Variants in ATP9B observed in about 807,000 individuals in gnomAD.
ATP9B encodes ATPase phospholipid transporting 9B, also known as probable phospholipid-transporting ATPase IIB.
A neutral mutation model predicts 146.1 loss-of-function variants in ATP9B; 110 were observed. The observed-to-expected ratio is 0.75, with a 90% CI of 0.65 to 0.88. The LOEUF (loss-of-function observed/expected upper bound fraction) is 0.88. ATP9B is among the 40% of genes least tolerant of loss of function. The pLI is 0.00. For missense variants in ATP9B, 1,499 were observed against 1,496.4 expected, an observed-to-expected ratio of 1.00 and a Z score of -0.03; for synonymous variants, 604 against 569.7, an observed-to-expected ratio of 1.06 and a Z score of -0.86.
chr18:79,355,769 T>A (rs1277334442), intron 25 of ATP9B, among the ~76,000 whole-genome samples: 1 of 152,036 alleles, frequency 6.6e-6, no homozygotes, highest in Non-Finnish European at 1.5e-5. Flanking sequence ...ATGTATAGAT[T>A]CAAGAAGGTA....
intron 7 of ATP9B, among the ~76,000 whole-genome samples, chr18:79,167,714 G>C (rs7230829): frequency 0.066 from 10,037 of 152,248 alleles, 405 homozygotes; most frequent in Non-Finnish European, 0.095. Context: ...AGCACTATCC[G>C]ATTGGCTGTA....
intron 8 of ATP9B, among the ~76,000 whole-genome samples, chr18:79,189,499 C>T (rs2095342291): frequency 6.6e-6 from 1 of 152,166 alleles, no homozygotes; most frequent in East Asian, 1.9e-4. Context: ...CCAAATTTAA[C>T]TGTTAATAGC....
At chr18:79,069,701 G>T (rs2071485409) in intron 1 of ATP9B, among the ~76,000 whole-genome samples, 172 bp downstream of exon 1, 1 of 152,230 alleles carries the variant, frequency 6.6e-6, no homozygotes, top group Admixed American at 6.5e-5. Flanking sequence ...GGCGTCCGCC[G>T]GTGGTGAGGG....
Position 79,344,631 on chromosome 18 carries a change from G to A in ATP9B, c.2472+277G>A, listed in dbSNP as rs377220952. ...CCATTTCGTAGCAGCGGTATCTGCC[G>A]CTCTGGAAAGCAGCCCCAGCCTGAG... On this transcript the variant is annotated intron_variant, in intron 21 of 29. Transcript: ENST00000426216. Among the ~76,000 whole-genome samples, 33 of 152,310 alleles carry A rather than the reference G, an allele frequency of 2.2e-4. No individual in the cohort carries two copies. In the East Asian group the frequency reaches 2.7e-3, roughly 12 times the overall value.
chr18:79,140,123 G>A (rs2094496024), intron 5 of ATP9B, among the ~76,000 whole-genome samples: 1 of 152,066 alleles, frequency 6.6e-6, no homozygotes, highest in Non-Finnish European at 1.5e-5. Context: ...GTCTGGGAAG[G>A]GAGGGATTTC....
At chr18:79,202,404 G>C (rs1422294781) in intron 9 of ATP9B, among the ~76,000 whole-genome samples, 1 of 152,140 alleles carries the variant, frequency 6.6e-6, no homozygotes, top group Non-Finnish European at 1.5e-5. Flanking sequence ...TGTATTTTCT[G>C]CTGTAATTTC....
At chr18:79,151,768 A>G (rs908186674) in intron 6 of ATP9B, among the ~76,000 whole-genome samples, 4 of 151,756 alleles carry the variant, frequency 2.6e-5, no homozygotes, top group African/African-American at 9.7e-5. Flanking sequence ...ACATGTGCAG[A>G]ACGTGCAAGT....
chr18:79,353,189 C>A (rs1024066358), intron 25 of ATP9B: 16 of 152,260 alleles, frequency 1.1e-4, no homozygotes, highest in African/African-American at 3.9e-4. Context: ...TCCAGCCACT[C>A]CAGAAAGCAG....
intron 16 of ATP9B, 135 bp from the exon 17 acceptor site, chr18:79,329,877 C>A (rs531199895): frequency 2.7e-6 from 2 of 747,670 alleles, no homozygotes; most frequent in Non-Finnish European, 4.6e-6. Flanking sequence ...CGTAGAAACA[C>A]GTGTGAGGAG....
intron 10 of ATP9B, among the ~76,000 whole-genome samples, chr18:79,207,820 A>C (rs972449457): frequency 2.0e-5 from 3 of 152,094 alleles, no homozygotes; most frequent in Non-Finnish European, 1.5e-5. Flanking sequence ...AGTCTGGGGC[A>C]AGGCGGTTCC....
At chr18:79,288,275 G>A (rs560388136) in intron 13 of ATP9B, among the ~76,000 whole-genome samples, 10 of 150,528 alleles carry the variant, frequency 6.6e-5, no homozygotes, top group Non-Finnish European at 1.3e-4. Flanking sequence ...GGTCACTCAG[G>A]ACTTGCTTTA....
chr18:79,237,022 C>T (rs1471866474), intron 11 of ATP9B, among the ~76,000 whole-genome samples: 5 of 43,750 alleles, frequency 1.1e-4, no homozygotes, highest in East Asian at 5.9e-4. Flanking sequence ...GTACACGGTC[C>T]GTGCACGAGT....
chr18:79,126,563 C>G (rs901494890), intron 5 of ATP9B, among the ~76,000 whole-genome samples, 188 bp downstream of exon 5: 18 of 152,256 alleles, frequency 1.2e-4, no homozygotes, highest in African/African-American at 3.6e-4. Flanking sequence ...TGTTCATTCT[C>G]TAGCTGTTTG....
chr18:79,336,793 A>T, intron 18 of ATP9B, 82 bp downstream of exon 18: 1 of 1,418,992 alleles, frequency 7.0e-7, no homozygotes, highest in Non-Finnish European at 9.8e-7. Context: ...CTTTGTATGA[A>T]ATTAGAGCTG....
intron 9 of ATP9B, among the ~76,000 whole-genome samples, chr18:79,203,237 T>C (rs62101135): frequency 1.4e-5 from 2 of 143,180 alleles, no homozygotes; most frequent in Non-Finnish European, 3.0e-5. Flanking sequence ...GAGGAGCAGG[T>C]ACCTGATGAG....
chr18:79,160,290 G>A (rs2094858316), intron 7 of ATP9B, among the ~76,000 whole-genome samples: 1 of 152,142 alleles, frequency 6.6e-6, no homozygotes, highest in Non-Finnish European at 1.5e-5. Context: ...TTCAAGTCCG[G>A]TTATTTTCCA....
At chr18:79,354,592 AAAAAC>A (rs1233575591) in intron 25 of ATP9B, 1 of 134,950 alleles carries the variant, frequency 7.4e-6, no homozygotes, top group East Asian at 2.4e-4. Context: ...AAAAAAAAAA[AAAAAC>A]CCAGCCCCAC....
intron 2 of ATP9B, among the ~76,000 whole-genome samples, chr18:79,106,950 T>C (rs2075690505): frequency 6.6e-6 from 1 of 152,228 alleles, no homozygotes; most frequent in Non-Finnish European, 1.5e-5. Flanking sequence ...TATCAGATAA[T>C]GCTATAAAGC....
chr18:79,133,051 T>G (rs930879512), intron 5 of ATP9B, among the ~76,000 whole-genome samples: 2 of 152,142 alleles, frequency 1.3e-5, no homozygotes. Flanking sequence ...TGACTGCTTG[T>G]TTTTGTTTTG....
Sources: gnomAD v4.1 joint callset for allele counts (sites outside exome capture counted in the v4.1 genomes callset) on GRCh38, gnomAD v4.1.1 for gene constraint, MANE v1.5 for transcripts, NCBI Gene and HGNC (gene_info 2026-07-23, HGNC 2026-07-21) for gene names.